The following CPNE8 variants were observed in gnomAD, a reference collection of about 807,000 sequenced individuals.
The protein encoded by CPNE8 is copine-8.
In CPNE8, 45 loss-of-function variants were observed where a neutral mutation model predicts 81.5. The observed-to-expected ratio is 0.55, with a 90% CI of 0.44 to 0.71. CPNE8 has a LOEUF of 0.71. CPNE8 is among the 30% of genes least tolerant of loss of function. The pLI is 0.00. For synonymous variants in CPNE8, 252 were observed against 226.3 expected (o/e 1.11, Z -1.02); for missense variants, 594 against 672.1 (o/e 0.88, Z 1.28).
At chr12:38,818,693 T>C (rs1314089178) in intron 6 of CPNE8, among the ~76,000 whole-genome samples, 1 of 152,202 alleles carries the variant, frequency 6.6e-6, no homozygotes, top group Non-Finnish European at 1.5e-5. Context: ...TTCTAGATCT[T>C]TTAGGAATCC....
Position 38,762,230 on chromosome 12 carries a change from G to A in CPNE8, c.576-14C>T. The A allele has an allele frequency of 6.9e-7, 1 of 1,442,652 alleles. No homozygotes were observed. The highest frequency in any genetic ancestry group is 9.6e-7 in the Non-Finnish European group (1 of 1,042,226). 89.4% of individuals were successfully genotyped at this position (1,442,652 alleles called of 1,614,324 possible). On this transcript the variant is annotated splice_polypyrimidine_tract_variant and intron_variant, in intron 8 of 19. Transcript: ENST00000331366. ...CAAATTGTAAAACTATAAAGAAAGAGTTTTCAGTTATTTGCATGCTTTGAC... is the reference window on the plus strand; with the variant it reads ...CAAATTGTAAAACTATAAAGAAAGAATTTTCAGTTATTTGCATGCTTTGAC...
At chr12:38,872,262 A>C (rs1356698112) in intron 3 of CPNE8, among the ~76,000 whole-genome samples, 2 of 152,184 alleles carry the variant, frequency 1.3e-5, no homozygotes, top group African/African-American at 4.8e-5. Flanking sequence ...GAATAAATTA[A>C]ATGATTTATT....
chr12:38,664,996 G>C (rs1227688048), intron 19 of CPNE8, among the ~76,000 whole-genome samples: 3 of 152,000 alleles, frequency 2.0e-5, no homozygotes, highest in Non-Finnish European at 4.4e-5. Flanking sequence ...CTTTTCCAAA[G>C]GAACATTTAT....
intron 6 of CPNE8, among the ~76,000 whole-genome samples, chr12:38,777,756 G>A (rs826885): frequency 0.067 from 10,226 of 152,240 alleles, 583 homozygotes; most frequent in East Asian, 0.3. Flanking sequence ...TATAGCCTAG[G>A]TATGTAGTAG....
intron 6 of CPNE8, among the ~76,000 whole-genome samples, chr12:38,826,343 A>C (rs1943190892): frequency 6.6e-6 from 1 of 152,244 alleles, no homozygotes; most frequent in Non-Finnish European, 1.5e-5. Flanking sequence ...AAGTTGTCTA[A>C]ATTTCAGAAT....
At position 38,723,838 on chromosome 12, in the gene CPNE8, A is replaced by G. The variant is rs149460011; in HGVS notation, c.853-5T>C. The G allele has an allele frequency of 9.5e-3, 14,627 of 1,544,592 alleles. 94 individuals carry two copies. The highest frequency in any genetic ancestry group is 0.015 in the Middle Eastern group (90 of 5,928). ...CAAGAAAGAGAGTAAAGTTACCTGA[A>G]AAAGAAAAAGACAGAATTACCTTCT... On this transcript the variant is annotated splice_region_variant and splice_polypyrimidine_tract_variant and intron_variant, in intron 12 of 19. Coordinates refer to ENST00000331366, the MANE Select transcript of CPNE8 (RefSeq NM_153634.3).
intron 15 of CPNE8, among the ~76,000 whole-genome samples, chr12:38,691,659 A>G (rs766944214): frequency 6.6e-6 from 1 of 152,078 alleles, no homozygotes; most frequent in Non-Finnish European, 1.5e-5. Context: ...TCTCTGTCTT[A>G]TTCTGTTTGT....
intron 6 of CPNE8, among the ~76,000 whole-genome samples, chr12:38,816,329 C>T (rs1318396895): frequency 6.6e-6 from 1 of 152,132 alleles, no homozygotes; most frequent in Non-Finnish European, 1.5e-5. Context: ...CTCTACAATA[C>T]AAAGAATATA....
intron 3 of CPNE8, among the ~76,000 whole-genome samples, chr12:38,860,763 A>G (rs2137079808): frequency 6.6e-6 from 1 of 152,322 alleles, no homozygotes; most frequent in South Asian, 2.1e-4. Flanking sequence ...CAGATACTAC[A>G]TAATATCACT....
At chr12:38,790,818 G>A (rs1466802058) in intron 6 of CPNE8, among the ~76,000 whole-genome samples, 2 of 151,730 alleles carry the variant, frequency 1.3e-5, no homozygotes, top group Non-Finnish European at 3.0e-5. Flanking sequence ...TGACCTTTGA[G>A]AGACTGGATA....
intron 1 of CPNE8, among the ~76,000 whole-genome samples, chr12:38,886,535 C>A (rs1271430226): frequency 1.3e-5 from 2 of 152,120 alleles, no homozygotes; most frequent in Non-Finnish European, 2.9e-5. Context: ...TTTCTTTCAA[C>A]ACAGATTTAT....
chr12:38,779,614 T>A (rs1260311133), intron 6 of CPNE8, among the ~76,000 whole-genome samples: 1 of 152,126 alleles, frequency 6.6e-6, no homozygotes, highest in East Asian at 1.9e-4. Flanking sequence ...TACATTTAAT[T>A]CAAGTGATCA....
At chr12:38,885,244 G>T (rs1351666026) in intron 1 of CPNE8, among the ~76,000 whole-genome samples, 1 of 151,910 alleles carries the variant, frequency 6.6e-6, no homozygotes, top group Admixed American at 6.6e-5. Flanking sequence ...GAATGTTAAG[G>T]CTATAAATAT....
At chr12:38,685,677 A>T (rs772403462) in intron 15 of CPNE8, 60 bp from the exon 16 acceptor site, 1 of 1,552,978 alleles carries the variant, frequency 6.4e-7, no homozygotes, top group Non-Finnish European at 8.8e-7. Flanking sequence ...ATCTCCATGA[A>T]GATCAATTGA....
chr12:38,885,732 G>T (rs78036224), intron 1 of CPNE8, among the ~76,000 whole-genome samples: 16,068 of 152,054 alleles, frequency 0.11, 1,083 homozygotes, highest in African/African-American at 0.2. Context: ...CCAAATCTCA[G>T]GTAGAATTGT....
chr12:38,792,006 G>T (rs1207960071), intron 6 of CPNE8, among the ~76,000 whole-genome samples: 6 of 135,698 alleles, frequency 4.4e-5, no homozygotes, highest in Non-Finnish European at 7.8e-5. Flanking sequence ...GACCATAGGA[G>T]AAATTAAAAA....
chr12:38,788,847 C>T (rs994663317), intron 6 of CPNE8, among the ~76,000 whole-genome samples: 5 of 151,518 alleles, frequency 3.3e-5, no homozygotes, highest in Non-Finnish European at 5.9e-5. Context: ...AGAAGTAACC[C>T]TATTTACAGT....
intron 14 of CPNE8, among the ~76,000 whole-genome samples, chr12:38,700,384 G>A (rs539653242): frequency 6.1e-4 from 92 of 151,934 alleles, no homozygotes; most frequent in African/African-American, 2.1e-3. Context: ...GATTACAGGC[G>A]TGTGACAACA....
At chr12:38,798,452 C>T (rs977653904) in intron 6 of CPNE8, among the ~76,000 whole-genome samples, 1 of 151,912 alleles carries the variant, frequency 6.6e-6, no homozygotes, top group Non-Finnish European at 1.5e-5. Context: ...CCAAACTAAG[C>T]TTCATAAGTG....
Sources: gnomAD v4.1 joint callset for allele counts (sites outside exome capture counted in the v4.1 genomes callset) on GRCh38, gnomAD v4.1.1 for gene constraint, MANE v1.5 for transcripts, NCBI Gene and HGNC (gene_info 2026-07-23, HGNC 2026-07-21) for gene names.